MINDY4: variants seen among roughly 807,000 people sequenced by gnomAD.
The protein encoded by MINDY4 is MINDY lysine 48 deubiquitinase 4, also known as probable ubiquitin carboxyl-terminal hydrolase MINDY-4.
In MINDY4, 68 loss-of-function variants were observed where a neutral mutation model predicts 87.0. The observed-to-expected ratio is 0.78, with a 90% CI of 0.64 to 0.96. The LOEUF is 0.96. Ranked by LOEUF, MINDY4 falls within the 40% of genes least tolerant of loss-of-function variation. The pLI, the probability that MINDY4 is intolerant of heterozygous loss-of-function variation, is 0.00. For synonymous variants in MINDY4, 379 were observed against 363.2 expected, an observed-to-expected ratio of 1.04 and a Z score of -0.50; for missense variants, 919 against 928.2, an observed-to-expected ratio of 0.99 and a Z score of 0.13.
At chr7:30,889,991 A>G (rs1414206116) in intron 17 of MINDY4, among the ~76,000 whole-genome samples, 1 of 152,200 alleles carries the variant, frequency 6.6e-6, no homozygotes, top group Non-Finnish European at 1.5e-5. Context: ...CAGGTGATAA[A>G]AGGGTACCTC....
At chr7:30,850,212 T>G (rs1022156672) in intron 9 of MINDY4, among the ~76,000 whole-genome samples, 3 of 152,176 alleles carry the variant, frequency 2.0e-5, no homozygotes, top group African/African-American at 2.4e-5. Context: ...TTCCTCTGCC[T>G]CCTCCTTCAC....
chr7:30,839,190 CT>C lies in MINDY4; in HGVS notation c.1240-5del, dbSNP rs1329188819. The stretch of plus-strand genomic sequence containing the variant: ...AAAACAACCAGTAAAACTCTCTCTT[CT>C]TTTTATAGGAAATAAAGACCCTTCT... On this transcript the variant is annotated splice_polypyrimidine_tract_variant and intron_variant, in intron 7 of 17. Coordinates refer to ENST00000265299, the MANE Select transcript of MINDY4 (RefSeq NM_032222.3). 1.9e-6 allele frequency: 3 copies of C among 1,572,570 alleles called. No individual in the cohort carries two copies. Among genetic ancestry groups the C allele is most frequent in the Non-Finnish European group, 1.7e-6 (2 of 1,153,396 alleles).
chr7:30,854,437 G>A (rs1370730918), intron 12 of MINDY4, among the ~76,000 whole-genome samples: 1 of 152,116 alleles, frequency 6.6e-6, no homozygotes, highest in African/African-American at 2.4e-5. Context: ...GAAATGAGAG[G>A]GAAGCATTAC....
chr7:30,856,475 A>G (rs936937012), intron 12 of MINDY4, among the ~76,000 whole-genome samples: 2 of 151,776 alleles, frequency 1.3e-5, no homozygotes, highest in Admixed American at 1.3e-4. Context: ...ACTGGGGGCA[A>G]CGCTGGCATA....
chr7:30,882,487 C>T lies in MINDY4; in HGVS notation c.2152+126C>T, dbSNP rs907555217. The T allele has an allele frequency of 5.1e-5, 45 of 877,532 alleles. No homozygotes were observed. In the African/African-American group the frequency reaches 6.5e-4, roughly 13 times the overall value. 54.4% of individuals were successfully genotyped at this position (877,532 alleles called of 1,614,324 possible). On this transcript the variant is annotated intron_variant, in intron 16 of 17. Transcript: ENST00000265299. The stretch of plus-strand genomic sequence containing the variant: ...AGAGAGCAGTGCAGACTCCAGCATC[C>T]AGACTGGGGGATCAGAGAGCCAATG...
chr7:30,845,908 T>G (rs79925923), intron 9 of MINDY4, among the ~76,000 whole-genome samples: 16,040 of 152,172 alleles, frequency 0.11, 947 homozygotes, highest in Middle Eastern at 0.17. Flanking sequence ...TGGGCAGCAG[T>G]ACTTGGTGTT....
chr7:30,865,511 G>A (rs765048292), intron 13 of MINDY4, among the ~76,000 whole-genome samples: 11 of 152,142 alleles, frequency 7.2e-5, no homozygotes, highest in Admixed American at 5.2e-4. Context: ...CCCTGGTCCC[G>A]TCCCTGGGAG....
intron 5 of MINDY4, among the ~76,000 whole-genome samples, chr7:30,812,351 G>A (rs146409184): frequency 2.3e-3 from 351 of 152,138 alleles, no homozygotes; most frequent in African/African-American, 7.9e-3. Context: ...ATAAGTGAAG[G>A]GTATATGCTG....
At chr7:30,814,646 A>G (rs1166971426) in intron 5 of MINDY4, among the ~76,000 whole-genome samples, 1 of 152,248 alleles carries the variant, frequency 6.6e-6, no homozygotes, top group East Asian at 1.9e-4. Context: ...TTATTATTGT[A>G]AGGGCAAAGC....
At chr7:30,792,391 A>T (rs1421599166) in intron 5 of MINDY4, among the ~76,000 whole-genome samples, 10 of 152,216 alleles carry the variant, frequency 6.6e-5, no homozygotes, top group Non-Finnish European at 1.5e-4. Flanking sequence ...TACCTAGGTT[A>T]TGCTAGAAGT....
In MINDY4 at chr7:30,782,215, A is replaced by G. The variant is rs371723845; in HGVS notation, c.419+3A>G. 27 of 1,604,914 alleles carry G rather than the reference A, an allele frequency of 1.7e-5. No homozygotes were observed. In the African/African-American group the frequency reaches 3.2e-4, roughly 19 times the overall value. On this transcript the variant is annotated splice_donor_region_variant and intron_variant, in intron 3 of 17. Coordinates refer to ENST00000265299, the MANE Select transcript of MINDY4 (RefSeq NM_032222.3). ...TTGTCAGAAACAAGCAAAGCCAGGT[A>G]TCTTTTCCCATTATTATGTTTATTA...
At chr7:30,833,418 A>G (rs1176340287) in intron 6 of MINDY4, among the ~76,000 whole-genome samples, 1 of 152,214 alleles carries the variant, frequency 6.6e-6, no homozygotes, top group Non-Finnish European at 1.5e-5. Flanking sequence ...CTTACTCACT[A>G]TCACAAGACC....
chr7:30,772,877 T>G (rs1415238365), intron 1 of MINDY4, among the ~76,000 whole-genome samples: 3 of 152,156 alleles, frequency 2.0e-5, no homozygotes, highest in Non-Finnish European at 4.4e-5. Context: ...TGTTCTTTCT[T>G]GAGTACAAAT....
At chr7:30,877,078 G>T (rs374026488) in intron 15 of MINDY4, among the ~76,000 whole-genome samples, 1 of 152,090 alleles carries the variant, frequency 6.6e-6, no homozygotes, top group African/African-American at 2.4e-5. Context: ...AAAGACTTGC[G>T]GGAAAAAAGA....
chr7:30,810,079 G>A (rs1562538337), intron 5 of MINDY4, among the ~76,000 whole-genome samples: 1 of 149,804 alleles, frequency 6.7e-6, no homozygotes, highest in Non-Finnish European at 1.5e-5. Context: ...AGGAGGCTGA[G>A]GCAGGAGAAT....
At chr7:30,852,384 G>C in intron 11 of MINDY4, 105 bp downstream of exon 11, 1 of 1,566,362 alleles carries the variant, frequency 6.4e-7, no homozygotes, top group Non-Finnish European at 8.7e-7. Flanking sequence ...CTGGCCTTCC[G>C]CAGCCCAGGT....
chr7:30,846,839 T>G (rs924866990), intron 9 of MINDY4, among the ~76,000 whole-genome samples: 3 of 152,154 alleles, frequency 2.0e-5, no homozygotes, highest in Admixed American at 2.0e-4. Context: ...GCGCGCAACC[T>G]AGATCCCTCG....
At chr7:30,878,541 G>A (rs1010325911) in intron 15 of MINDY4, among the ~76,000 whole-genome samples, 7 of 152,222 alleles carry the variant, frequency 4.6e-5, no homozygotes, top group Non-Finnish European at 1.0e-4. Flanking sequence ...CCCAGGACAA[G>A]GCTCACCGGT....
At chr7:30,801,727 G>T (rs1437412623) in intron 5 of MINDY4, among the ~76,000 whole-genome samples, 2 of 152,166 alleles carry the variant, frequency 1.3e-5, no homozygotes, top group Non-Finnish European at 2.9e-5. Context: ...TAACCCCAAG[G>T]TACCTTCAGT....
Sources: allele counts gnomAD v4.1 joint callset (sites outside exome capture counted in the v4.1 genomes callset), GRCh38; gene constraint gnomAD v4.1.1; transcripts MANE v1.5; gene names NCBI Gene and HGNC (gene_info 2026-07-23, HGNC 2026-07-21).